ADK: variants seen among roughly 807,000 people sequenced by gnomAD.
ADK encodes adenosine kinase, also known as N6,N6-dimethyladenosine kinase.
ADK carries 24 observed loss-of-function variants against 44.7 expected under a neutral mutation model. The observed-to-expected ratio is 0.54, with a 90% CI of 0.39 to 0.76. The LOEUF (loss-of-function observed/expected upper bound fraction) is 0.76, where lower values mean the gene tolerates loss of function less well. Ranked by LOEUF, ADK falls within the 30% of genes least tolerant of loss-of-function variation. The pLI is 0.00. For synonymous variants in ADK, 128 were observed against 142.6 expected (o/e 0.90, Z 0.73); for missense variants, 321 against 425.1 (o/e 0.76, Z 2.15).
At chr10:74,381,060 G>A (rs898098352) in intron 4 of ADK, among the ~76,000 whole-genome samples, 1 of 152,160 alleles carries the variant, frequency 6.6e-6, no homozygotes, top group African/African-American at 2.4e-5. Context: ...AAAATTTTCA[G>A]TGTATGGGAC....
intron 7 of ADK, among the ~76,000 whole-genome samples, chr10:74,588,024 CTTATA>C (rs1851589256): frequency 6.6e-6 from 1 of 151,960 alleles, no homozygotes. Context: ...ACCCTGTCAT[CTTATA>C]TTAAAGAGGA....
At chr10:74,340,512 AAGCCATACAT>A (rs1231223735) in intron 4 of ADK, among the ~76,000 whole-genome samples, 1 of 152,208 alleles carries the variant, frequency 6.6e-6, no homozygotes, top group African/African-American at 2.4e-5. Flanking sequence ...AATTAAAATG[AAGCCATACAT>A]AGCATTTGCT....
chr10:74,489,847 A>G (rs2133388210), intron 6 of ADK, among the ~76,000 whole-genome samples: 1 of 152,172 alleles, frequency 6.6e-6, no homozygotes, highest in East Asian at 1.9e-4. Context: ...AGTTCCTGAA[A>G]TCATTAAATG....
intron 4 of ADK, chr10:74,372,502 T>G: frequency 2.5e-6 from 1 of 395,912 alleles, no homozygotes; most frequent in Non-Finnish European, 4.7e-6. Flanking sequence ...AGTAATGCAT[T>G]CAGCAAGGTT....
intron 6 of ADK, chr10:74,506,478 A>C (rs1446425395): frequency 1.3e-5 from 2 of 155,230 alleles, no homozygotes; most frequent in Non-Finnish European, 1.4e-5. Context: ...AAAATAATTC[A>C]AGAACCATGA....
chr10:74,432,031 AAATAAT>A (rs1036063293), intron 6 of ADK, among the ~76,000 whole-genome samples: 2 of 151,860 alleles, frequency 1.3e-5, no homozygotes, highest in East Asian at 1.9e-4. Flanking sequence ...GTCTCTACCA[AAATAAT>A]AATAATAATA....
chr10:74,571,875 T>G (rs1589259246), intron 7 of ADK, among the ~76,000 whole-genome samples: 1 of 152,346 alleles, frequency 6.6e-6, no homozygotes, highest in African/African-American at 2.4e-5. Context: ...AATTGTGATG[T>G]TAGTTTTGAG....
intron 1 of ADK, among the ~76,000 whole-genome samples, chr10:74,170,399 G>A (rs7896660): frequency 0.43 from 65,934 of 151,866 alleles, 17,324 homozygotes; most frequent in Non-Finnish European, 0.59. Flanking sequence ...AGTTTTGACG[G>A]TTGTGAATTT....
At chr10:74,473,151 A>ATATATAT (rs1347133461) in intron 6 of ADK, among the ~76,000 whole-genome samples, 6 of 149,116 alleles carry the variant, frequency 4.0e-5, no homozygotes, top group African/African-American at 1.5e-4. Context: ...CACCATGCCT[A>ATATATAT]ATATAAATAT....
At chr10:74,176,621 CGA>C (rs1433046487) in intron 1 of ADK, 1 of 1,394,626 alleles carries the variant, frequency 7.2e-7, no homozygotes. Context: ...TGAGCTGGCA[CGA>C]GACACGCGGT....
At chr10:74,355,980 G>T (rs1457390246) in intron 4 of ADK, among the ~76,000 whole-genome samples, 3 of 133,230 alleles carry the variant, frequency 2.3e-5, no homozygotes, top group African/African-American at 8.1e-5. Context: ...GTATGTATCT[G>T]AAATATTTCA....
At chr10:74,682,864 G>A (rs1855663129) in intron 10 of ADK, among the ~76,000 whole-genome samples, 1 of 152,136 alleles carries the variant, frequency 6.6e-6, no homozygotes, top group African/African-American at 2.4e-5. Flanking sequence ...ATGAGCCACT[G>A]CTCCCAGCCT....
At chr10:74,381,293 A>G (rs1842970397) in intron 4 of ADK, among the ~76,000 whole-genome samples, 1 of 152,218 alleles carries the variant, frequency 6.6e-6, no homozygotes, top group Non-Finnish European at 1.5e-5. Flanking sequence ...TACTTTTCTA[A>G]TCTGTATTAG....
At chr10:74,613,240 A>T (rs1316661135) in intron 9 of ADK, among the ~76,000 whole-genome samples, 1 of 152,050 alleles carries the variant, frequency 6.6e-6, no homozygotes, top group Non-Finnish European at 1.5e-5. Context: ...GTGTAGGATT[A>T]TGTATGGTTG....
chr10:74,602,046 G>A (rs926199718), intron 9 of ADK, among the ~76,000 whole-genome samples: 1 of 134,058 alleles, frequency 7.5e-6, no homozygotes, highest in Non-Finnish European at 1.5e-5. Context: ...TCGAGGCTGT[G>A]TTGAGCTATG....
intron 8 of ADK, among the ~76,000 whole-genome samples, chr10:74,594,803 G>C (rs1851844025): frequency 6.6e-6 from 1 of 152,004 alleles, no homozygotes; most frequent in Non-Finnish European, 1.5e-5. Flanking sequence ...CAACATATCA[G>C]TAATACATTC....
At chr10:74,166,159 T>C (rs1371262947) in intron 1 of ADK, among the ~76,000 whole-genome samples, 2 of 152,156 alleles carry the variant, frequency 1.3e-5, no homozygotes, top group East Asian at 3.9e-4. Context: ...TGGCTGGTCT[T>C]GAAGTTCCAA....
chr10:74,569,960 A>G (rs1589257419), intron 7 of ADK, among the ~76,000 whole-genome samples: 1 of 152,286 alleles, frequency 6.6e-6, no homozygotes, highest in East Asian at 1.9e-4. Context: ...ATAAGGTGTA[A>G]GGAAGGGATC....
At chr10:74,363,646 G>T (rs560357503) in intron 4 of ADK, among the ~76,000 whole-genome samples, 20 of 151,956 alleles carry the variant, frequency 1.3e-4, no homozygotes, top group African/African-American at 4.3e-4. Flanking sequence ...TAGTTTCCTG[G>T]TTGCAGCAGG....
Sources: gnomAD v4.1 joint callset for allele counts (sites outside exome capture counted in the v4.1 genomes callset) on GRCh38, gnomAD v4.1.1 for gene constraint, MANE v1.5 for transcripts, NCBI Gene and HGNC (gene_info 2026-07-23, HGNC 2026-07-21) for gene names.